The following TMTC2 variants were observed in gnomAD, a reference collection of about 807,000 sequenced individuals.
TMTC2 encodes transmembrane O-mannosyltransferase targeting cadherins 2, also known as protein O-mannosyl-transferase TMTC2.
In TMTC2, 43 loss-of-function variants were observed where a neutral mutation model predicts 82.4. The observed-to-expected ratio is 0.52, with a 90% CI of 0.41 to 0.67. The LOEUF is 0.67. TMTC2 is among the 30% of genes least tolerant of loss of function. The pLI, the probability that TMTC2 is intolerant of heterozygous loss-of-function variation, is 0.00. For missense variants in TMTC2, 919 were observed against 1,012.4 expected, an observed-to-expected ratio of 0.91 and a Z score of 1.25; for synonymous variants, 408 against 381.9, an observed-to-expected ratio of 1.07 and a Z score of -0.80.
chr12:83,083,897 G>T (rs1015710586), intron 11 of TMTC2, among the ~76,000 whole-genome samples: 1 of 152,204 alleles, frequency 6.6e-6, no homozygotes, highest in Non-Finnish European at 1.5e-5. Context: ...GTACTTCAAG[G>T]TTTATTTCAA....
intron 1 of TMTC2, among the ~76,000 whole-genome samples, chr12:82,785,943 G>C (rs943035469): frequency 6.6e-6 from 1 of 152,102 alleles, no homozygotes; most frequent in African/African-American, 2.4e-5. Flanking sequence ...AGTGTGGCAA[G>C]ACTACTTTGT....
intron 1 of TMTC2, among the ~76,000 whole-genome samples, chr12:82,730,969 A>G (rs774841243): frequency 3.3e-5 from 5 of 152,232 alleles, no homozygotes; most frequent in Non-Finnish European, 5.9e-5. Context: ...GCTAGCAGCT[A>G]TTTCTAGTAG....
At chr12:82,702,806 G>T (rs1873146043) in intron 1 of TMTC2, among the ~76,000 whole-genome samples, 2 of 151,984 alleles carry the variant, frequency 1.3e-5, no homozygotes, top group Non-Finnish European at 2.9e-5. Flanking sequence ...TTGAACCTAG[G>T]AGTTCAAGAC....
intron 8 of TMTC2, among the ~76,000 whole-genome samples, chr12:83,023,728 T>G (rs1209079038): frequency 6.6e-6 from 1 of 152,224 alleles, no homozygotes; most frequent in Non-Finnish European, 1.5e-5. Flanking sequence ...CTTCGCCTAT[T>G]CTGGATGTTG....
chr12:82,832,837 A>G (rs1592558879), intron 1 of TMTC2, among the ~76,000 whole-genome samples: 3 of 152,208 alleles, frequency 2.0e-5, no homozygotes, highest in Admixed American at 6.5e-5. Context: ...AGACAAAGGG[A>G]AATGTAAAAT....
chr12:82,801,803 C>T (rs780009540), intron 1 of TMTC2, among the ~76,000 whole-genome samples: 3 of 152,122 alleles, frequency 2.0e-5, no homozygotes, highest in African/African-American at 2.4e-5. Context: ...TAGCTAGATA[C>T]GGAGTGTCGA....
chr12:82,968,904 G>T (rs1239509955), intron 7 of TMTC2, among the ~76,000 whole-genome samples: 1 of 152,098 alleles, frequency 6.6e-6, no homozygotes, highest in East Asian at 1.9e-4. Flanking sequence ...TTTAAAGGGA[G>T]GGTCTTAATA....
At chr12:82,704,415 G>A (rs61929531) in intron 1 of TMTC2, among the ~76,000 whole-genome samples, 1 of 152,016 alleles carries the variant, frequency 6.6e-6, no homozygotes, top group Non-Finnish European at 1.5e-5. Flanking sequence ...ATCTTTGGAA[G>A]CACATATAAA....
chr12:82,877,870 G>C (rs947558015), intron 2 of TMTC2, among the ~76,000 whole-genome samples: 1 of 152,134 alleles, frequency 6.6e-6, no homozygotes, highest in Non-Finnish European at 1.5e-5. Flanking sequence ...AAAGAAACGA[G>C]GGACACCGAC....
chr12:82,901,289 T>A (rs1489330787), intron 3 of TMTC2, among the ~76,000 whole-genome samples: 2 of 125,436 alleles, frequency 1.6e-5, no homozygotes, highest in Admixed American at 8.2e-5. Flanking sequence ...GAGTAATATA[T>A]ATATATATAT....
intron 11 of TMTC2, among the ~76,000 whole-genome samples, chr12:83,123,611 T>C (rs1885020178): frequency 6.6e-6 from 1 of 152,200 alleles, no homozygotes; most frequent in South Asian, 2.1e-4. Context: ...CTTATTTTTT[T>C]CATTTTGGTT....
At chr12:82,997,221 C>CTCTCTCTCTCTCTCTCTATATATATA (rs1451262969) in intron 8 of TMTC2, among the ~76,000 whole-genome samples, 6 of 118,540 alleles carry the variant, frequency 5.1e-5, no homozygotes, top group African/African-American at 2.2e-4. Context: ...CTCTCTCTCT[C>CTCTCTCTCTCTCTCTCTATATATATA]TATATATATA....
At chr12:82,934,833 A>G (rs1368163628) in intron 4 of TMTC2, among the ~76,000 whole-genome samples, 1 of 152,146 alleles carries the variant, frequency 6.6e-6, no homozygotes, top group Non-Finnish European at 1.5e-5. Flanking sequence ...TTTAGACTCC[A>G]CCAGCAGTGT....
chr12:82,841,218 T>G (rs565587166), intron 1 of TMTC2, among the ~76,000 whole-genome samples: 14 of 152,230 alleles, frequency 9.2e-5, no homozygotes, highest in Non-Finnish European at 1.8e-4. Flanking sequence ...TGTGATTTAT[T>G]TAAAGGGCTA....
At chr12:83,050,236 G>A (rs918166247) in intron 9 of TMTC2, among the ~76,000 whole-genome samples, 2 of 152,050 alleles carry the variant, frequency 1.3e-5, no homozygotes, top group Non-Finnish European at 2.9e-5. Context: ...TAAAAAAGTG[G>A]CCTATTGTCT....
At chr12:82,892,626 T>C (rs1430153574) in intron 2 of TMTC2, among the ~76,000 whole-genome samples, 2 of 152,210 alleles carry the variant, frequency 1.3e-5, no homozygotes, top group Admixed American at 6.5e-5. Context: ...GTTTCCTCCT[T>C]CGTGTGGCTC....
intron 1 of TMTC2, among the ~76,000 whole-genome samples, chr12:82,798,235 G>A (rs376313905): frequency 7.2e-4 from 107 of 148,866 alleles, no homozygotes; most frequent in East Asian, 6.6e-3. Context: ...GATTACAGGC[G>A]TGAGCCACCA....
intron 1 of TMTC2, among the ~76,000 whole-genome samples, chr12:82,844,865 T>TA (rs60289234): frequency 2.6e-5 from 4 of 151,708 alleles, no homozygotes; most frequent in African/African-American, 9.7e-5. Context: ...CGAACTTCAT[T>TA]AAAAAAAGTA....
intron 1 of TMTC2, among the ~76,000 whole-genome samples, chr12:82,781,317 G>A (rs1877890778): frequency 6.6e-6 from 1 of 151,546 alleles, no homozygotes; most frequent in African/African-American, 2.4e-5. Context: ...CTAGGAGAAT[G>A]GAAAAACCAA....
Sources: gnomAD v4.1 joint callset for allele counts (sites outside exome capture counted in the v4.1 genomes callset) on GRCh38, gnomAD v4.1.1 for gene constraint, MANE v1.5 for transcripts, NCBI Gene and HGNC (gene_info 2026-07-23, HGNC 2026-07-21) for gene names.